Variants in LRRC7 observed in about 807,000 individuals in gnomAD.
LRRC7 encodes leucine-rich repeat-containing protein 7.
Under a neutral mutation model 175.7 loss-of-function variants are expected in LRRC7, and 23 were observed. That is an observed-to-expected ratio of 0.13 (90% CI 0.09 to 0.19). LRRC7 has a LOEUF of 0.19. Ranked by LOEUF, LRRC7 falls within the 10% of genes least tolerant of loss-of-function variation. The pLI is 1.00. For synonymous variants in LRRC7, 685 were observed against 680.9 expected, an observed-to-expected ratio of 1.01 and a Z score of -0.09; for missense variants, 1,354 against 1,904.7, an observed-to-expected ratio of 0.71 and a Z score of 5.38.
intron 2 of LRRC7, among the ~76,000 whole-genome samples, chr1:69,730,979 A>C (rs1667509899): frequency 6.6e-6 from 1 of 152,058 alleles, no homozygotes; most frequent in Non-Finnish European, 1.5e-5. Flanking sequence ...AGCAGTGCCG[A>C]GAAAAAGGGG....
chr1:69,578,959 T>G (rs55633925), intron 1 of LRRC7, among the ~76,000 whole-genome samples: 1 of 148,272 alleles, frequency 6.7e-6, no homozygotes, highest in African/African-American at 2.5e-5. Flanking sequence ...TAAAATAAAA[T>G]AAAAAGAAAT....
intron 8 of LRRC7, among the ~76,000 whole-genome samples, chr1:69,969,392 T>G (rs1407626114): frequency 6.6e-6 from 1 of 152,010 alleles, no homozygotes; most frequent in Non-Finnish European, 1.5e-5. Context: ...GAGATACACC[T>G]AACACATAAG....
At chr1:69,642,574 C>T (rs1570122912) in intron 1 of LRRC7, among the ~76,000 whole-genome samples, 1 of 151,906 alleles carries the variant, frequency 6.6e-6, no homozygotes, top group African/African-American at 2.4e-5. Context: ...CTTGTTTGCT[C>T]TAACGTGCCT....
intron 7 of LRRC7, among the ~76,000 whole-genome samples, chr1:69,915,967 T>C (rs1400894212): frequency 1.4e-5 from 2 of 146,528 alleles, no homozygotes; most frequent in African/African-American, 5.0e-5. Context: ...TAGTGAGTGG[T>C]GGAACCAGGA....
At chr1:69,781,845 GGGAGAGAAAGAAAGA>G (rs1673728022) in intron 3 of LRRC7, among the ~76,000 whole-genome samples, 3 of 95,404 alleles carry the variant, frequency 3.1e-5, no homozygotes, top group South Asian at 3.3e-4. Context: ...AAGGAAGGAA[GGGAGAGAAAGAAAGA>G]GAAGGAAGGA....
At chr1:69,631,135 C>A (rs1308086581) in intron 1 of LRRC7, among the ~76,000 whole-genome samples, 1 of 152,012 alleles carries the variant, frequency 6.6e-6, no homozygotes, top group Non-Finnish European at 1.5e-5. Flanking sequence ...GAATGTCTAT[C>A]ACCTTAAATA....
chr1:69,896,652 T>A (rs1174475327), intron 7 of LRRC7, among the ~76,000 whole-genome samples: 3 of 152,172 alleles, frequency 2.0e-5, no homozygotes, highest in Non-Finnish European at 4.4e-5. Flanking sequence ...ACTCATAAAC[T>A]CCCAGTATCC....
intron 1 of LRRC7, among the ~76,000 whole-genome samples, chr1:69,596,792 T>A (rs984555094): frequency 1.3e-5 from 2 of 152,218 alleles, no homozygotes; most frequent in African/African-American, 4.8e-5. Flanking sequence ...TTCCCACAAG[T>A]TCACCCACAA....
chr1:70,084,899 G>C (rs1276834773), intron 24 of LRRC7, among the ~76,000 whole-genome samples: 2 of 151,996 alleles, frequency 1.3e-5, no homozygotes, highest in Non-Finnish European at 2.9e-5. Flanking sequence ...AATGACTAAT[G>C]ATATTGAGTA....
intron 11 of LRRC7, among the ~76,000 whole-genome samples, chr1:70,004,828 CTACT>C (rs1272479045): frequency 6.6e-6 from 1 of 151,924 alleles, no homozygotes; most frequent in Non-Finnish European, 1.5e-5. Flanking sequence ...ATATTCCTCT[CTACT>C]TCTCTACTAA....
chr1:70,007,198 A>G (rs1282551097), intron 11 of LRRC7, among the ~76,000 whole-genome samples: 3 of 152,188 alleles, frequency 2.0e-5, no homozygotes, highest in African/African-American at 7.2e-5. Flanking sequence ...TTCTGAGGCT[A>G]TCCCAGAGCC....
chr1:69,906,659 G>A (rs1318611506), intron 7 of LRRC7, among the ~76,000 whole-genome samples: 1 of 152,052 alleles, frequency 6.6e-6, no homozygotes, highest in Non-Finnish European at 1.5e-5. Flanking sequence ...TTTGGTTACT[G>A]TAGCCTTGTA....
At chr1:69,722,076 G>T (rs1666420203) in intron 2 of LRRC7, among the ~76,000 whole-genome samples, 1 of 151,680 alleles carries the variant, frequency 6.6e-6, no homozygotes, top group Non-Finnish European at 1.5e-5. Context: ...GAATTAACTG[G>T]CATTATCAGC....
intron 1 of LRRC7, among the ~76,000 whole-genome samples, chr1:69,622,456 T>A (rs1650769031): frequency 6.6e-6 from 1 of 152,200 alleles, no homozygotes; most frequent in African/African-American, 2.4e-5. Context: ...AATTTATTAT[T>A]TTGGCCCTAC....
intron 8 of LRRC7, among the ~76,000 whole-genome samples, chr1:69,972,967 C>A (rs1652410882): frequency 2.1e-5 from 3 of 140,832 alleles, no homozygotes; most frequent in Admixed American, 7.2e-5. Flanking sequence ...ATATATAATA[C>A]TATATATAAA....
In LRRC7 at chr1:69,793,179, C is replaced by T. The variant is rs560059681; in HGVS notation, c.421+1019C>T. On this transcript the variant is annotated intron_variant, in intron 4 of 26. Coordinates refer to ENST00000651989, the MANE Select transcript of LRRC7 (RefSeq NM_001370785.2). Reference sequence around the variant, plus strand: ...ACGTTCAAGTGGGTTGCCCATTAAACAAGAAATTGTAGATGATTAAATAAG... The same window carrying T: ...ACGTTCAAGTGGGTTGCCCATTAAATAAGAAATTGTAGATGATTAAATAAG... 5.3e-5 allele frequency among the ~76,000 whole-genome samples: 8 copies of T among 152,164 alleles called. No individual in the cohort carries two copies. In the East Asian group the frequency reaches 1.5e-3, roughly 29 times the overall value.
chr1:69,975,896 T>A (rs980517738), intron 8 of LRRC7, among the ~76,000 whole-genome samples: 1 of 150,972 alleles, frequency 6.6e-6, no homozygotes, highest in Non-Finnish European at 1.5e-5. Context: ...TTTACTCAGT[T>A]TTTTTTTTTG....
intron 23 of LRRC7, among the ~76,000 whole-genome samples, chr1:70,075,511 C>T (rs559589920): frequency 3.9e-5 from 6 of 152,248 alleles, no homozygotes; most frequent in South Asian, 2.1e-4. Flanking sequence ...ATTTCGAAGA[C>T]GGTTCCATAG....
At chr1:69,890,066 T>C (rs1415213397) in intron 7 of LRRC7, among the ~76,000 whole-genome samples, 3 of 152,216 alleles carry the variant, frequency 2.0e-5, no homozygotes, top group Non-Finnish European at 4.4e-5. Context: ...CTTCCAAACT[T>C]ATGTTAATGT....
Sources: gnomAD v4.1 joint callset for allele counts (sites outside exome capture counted in the v4.1 genomes callset) on GRCh38, gnomAD v4.1.1 for gene constraint, MANE v1.5 for transcripts, NCBI Gene and HGNC (gene_info 2026-07-23, HGNC 2026-07-21) for gene names.